The following ATP2B4 variants were observed in gnomAD, a reference collection of about 807,000 sequenced individuals.
ATP2B4 encodes ATPase plasma membrane Ca2+ transporting 4.
ATP2B4 carries 39 observed loss-of-function variants against 110.3 expected under a neutral mutation model. That is an observed-to-expected ratio of 0.35 (90% CI 0.27 to 0.46). The LOEUF is 0.46. Among genes scored for constraint, ATP2B4 ranks in the 20% least tolerant of loss-of-function variants. ATP2B4 has a pLI of 1.00. For synonymous variants in ATP2B4, 538 were observed against 571.7 expected (o/e 0.94, Z 0.84); for missense variants, 1,135 against 1,530.9 (o/e 0.74, Z 4.32).
At chr1:203,634,661 CTTTG>C (rs1035378240) in intron 1 of ATP2B4, among the ~76,000 whole-genome samples, 17 of 152,126 alleles carry the variant, frequency 1.1e-4, no homozygotes, top group Admixed American at 2.6e-4. Context: ...AAATGCATCT[CTTTG>C]TTTGTTTGTT....
chr1:203,642,985 G>A (rs570002344), intron 1 of ATP2B4, among the ~76,000 whole-genome samples: 49 of 152,188 alleles, frequency 3.2e-4, no homozygotes, highest in African/African-American at 1.2e-3. Flanking sequence ...ATGGAGCCTG[G>A]CACCAGCCTG....
intron 20 of ATP2B4, among the ~76,000 whole-genome samples, chr1:203,731,870 A>AAG (rs1666728826): frequency 7.0e-6 from 1 of 142,886 alleles, no homozygotes; most frequent in Admixed American, 7.1e-5. Flanking sequence ...AAAAAAAAAA[A>AAG]GGAAGGAGGG....
chr1:203,683,015 A>AGG lies in ATP2B4; in HGVS notation c.-191_-190insGG. On this transcript the variant is annotated 5_prime_UTR_variant, in exon 2 of 21. Coordinates refer to ENST00000357681, the MANE Select transcript of ATP2B4 (RefSeq NM_001684.5). ...CCTCTCGCTGCCAGACTTCATACGG[A>AGG]AGAAAGGATCTAGACTTCGGACGGC... The AGG allele has an allele frequency of 1.8e-6, 1 of 548,714 alleles. No individual in the cohort carries two copies. The allele number at this position is 548,714 out of a possible 1,614,324, so 34.0% of individuals were successfully genotyped here. A position where few individuals can be genotyped will look rare whatever the true frequency, so the allele number is the denominator to read the frequency against.
At chr1:203,701,012 G>GTGCTGGTAGCCCCAAATGCC in intron 6 of ATP2B4, 89 bp downstream of exon 6, 3 of 1,461,860 alleles carry the variant, frequency 2.1e-6, no homozygotes, top group Admixed American at 2.4e-5. Flanking sequence ...AGAAAGCATG[G>GTGCTGGTAGCCCCAAATGCC]TTGGAAGAAT....
In ATP2B4 at chr1:203,703,822, G is replaced by A. The variant is rs1291564704; in HGVS notation, c.1099+9G>A. 2.5e-6 allele frequency: 4 copies of A among 1,612,614 alleles called. No individual in the cohort carries two copies. The highest frequency in any genetic ancestry group is 3.4e-6 in the Non-Finnish European group (4 of 1,179,066). On this transcript the variant is annotated intron_variant, in intron 8 of 20. Coordinates refer to ENST00000357681, the MANE Select transcript of ATP2B4 (RefSeq NM_001684.5). ...TCAGATTGGGAAAGCCGGTGAGTAG[G>A]GTAGAGCCTCGTTGTGGTTTATCAA... is the stretch of plus-strand genomic sequence containing the variant.
At chr1:203,652,292 C>T (rs1264473804) in intron 1 of ATP2B4, among the ~76,000 whole-genome samples, 5 of 151,822 alleles carry the variant, frequency 3.3e-5, no homozygotes, top group East Asian at 2.0e-4. Context: ...TTCAGGCACG[C>T]GCCTCCATGC....
intron 12 of ATP2B4, 78 bp downstream of exon 12, chr1:203,711,186 TAACC>T: frequency 5.1e-6 from 7 of 1,364,782 alleles, no homozygotes; most frequent in Non-Finnish European, 7.3e-6. Context: ...CCCAGGCAGG[TAACC>T]TAACTGCCTC....
chr1:203,692,204 G>A (rs776398165), intron 2 of ATP2B4, among the ~76,000 whole-genome samples: 1 of 151,560 alleles, frequency 6.6e-6, no homozygotes, highest in Non-Finnish European at 1.5e-5. Flanking sequence ...TTGAGACAGG[G>A]TCTTGCTCTG....
rs940034577 is a variant in ATP2B4 at position 203,721,654 on chromosome 1, CTTTTTTTTTT to C, written c.2812+254_2812+263del. ...GGGAGGCTTTATTATTTCTTTCTTT[CTTTTTTTTTT>C]TTTTTTTTTCTTTTTGGAGACAGAG... On this transcript the variant is annotated intron_variant, in intron 17 of 20. Transcript: ENST00000357681. Among the ~76,000 whole-genome samples the C allele has an allele frequency of 2.9e-3, 334 of 116,632 alleles. 4 individuals are homozygous for C. Among genetic ancestry groups the C allele is most frequent in the African/African-American group, 0.011 (324 of 29,232 alleles). 76.5% of individuals were successfully genotyped at this position (116,632 alleles called of 152,430 possible).
At chr1:203,676,094 C>A (rs1558028468) in intron 1 of ATP2B4, among the ~76,000 whole-genome samples, 3 of 152,196 alleles carry the variant, frequency 2.0e-5, no homozygotes, top group Admixed American at 2.0e-4. Context: ...TGTGCCCGCC[C>A]TCACCTGGCT....
chr1:203,640,957 C>G (rs1663608441), intron 1 of ATP2B4, among the ~76,000 whole-genome samples: 1 of 152,200 alleles, frequency 6.6e-6, no homozygotes, highest in African/African-American at 2.4e-5. Flanking sequence ...CAACCACCTT[C>G]TGAGACAGGT....
rs555457398 is a variant in ATP2B4 at position 203,648,091 on chromosome 1, C to A, written c.-465+20872C>A. 2.0e-5 allele frequency among the ~76,000 whole-genome samples: 3 copies of A among 152,190 alleles called. 1 individual carries two copies. The South Asian group carries it at 6.2e-4, about 32-fold the overall frequency. Reference sequence around the variant, plus strand: ...AGATGTGGAACACCCTAAATAAAGCCCCCTGTAAATCTGTGAGTGAGATTA... The same window carrying A: ...AGATGTGGAACACCCTAAATAAAGCACCCTGTAAATCTGTGAGTGAGATTA... On this transcript the variant is annotated intron_variant, in intron 1 of 20. Transcript: ENST00000357681.
chr1:203,639,728 G>A (rs115779840), intron 1 of ATP2B4, among the ~76,000 whole-genome samples: 2,294 of 152,298 alleles, frequency 0.015, 17 homozygotes, highest in Non-Finnish European at 0.023. Context: ...TTATTCAGCC[G>A]CTCGGTTGGC....
chr1:203,738,918 T>C (rs1409943184), intron 20 of ATP2B4, among the ~76,000 whole-genome samples: 2 of 152,158 alleles, frequency 1.3e-5, no homozygotes, highest in Non-Finnish European at 2.9e-5. Flanking sequence ...AAGGGCAAAT[T>C]ATTATTAGAG....
Position 203,699,506 on chromosome 1 carries a change from A to G in ATP2B4, c.438A>G (p.Gln146=). 1.2e-6 allele frequency: 2 copies of G among 1,614,236 alleles called. No individual in the cohort carries two copies. Among genetic ancestry groups the G allele is most frequent in the Non-Finnish European group, 1.7e-6 (2 of 1,180,036 alleles). Residue 146 remains glutamine (Q), a synonymous_variant, in exon 4 of 21, where the codon CAA becomes CAG. Coordinates refer to ENST00000357681, the MANE Select transcript of ATP2B4 (RefSeq NM_001684.5). ...ATTPEDENEA[Q]AGWIEGAAIL... ...CCCCAGAAGATGAAAATGAGGCACA[A>G]GCTGGCTGGATTGAGGGGGCAGCCA...
At position 203,720,542 on chromosome 1, in the gene ATP2B4, AC is replaced by A; in HGVS notation, c.2407-5del. 6.3e-7 allele frequency: 1 copy of A among 1,595,010 alleles called. No homozygotes were observed. The highest frequency in any genetic ancestry group is 8.5e-7 in the Non-Finnish European group (1 of 1,169,954). ...CCCTCACTGTTTTCCCTCCCATCTTACCTCAGGGCATCGCAGGCACAGATGT... is the reference window on the plus strand; with the variant it reads ...CCCTCACTGTTTTCCCTCCCATCTTACTCAGGGCATCGCAGGCACAGATGT... On this transcript the variant is annotated splice_region_variant and splice_polypyrimidine_tract_variant and intron_variant, in intron 15 of 20. Transcript: ENST00000357681.
At position 203,670,160 on chromosome 1, in the gene ATP2B4, G is replaced by A. The variant is rs2102343361; in HGVS notation, c.-464-12582G>A. Among the ~76,000 whole-genome samples, 3 of 139,532 alleles carry A rather than the reference G, an allele frequency of 2.2e-5. No homozygotes were observed. In the Admixed American group the frequency reaches 2.3e-4, roughly 11 times the overall value. 91.5% of individuals were successfully genotyped at this position (139,532 alleles called of 152,430 possible). On this transcript the variant is annotated intron_variant, in intron 1 of 20. Transcript: ENST00000357681. The stretch of plus-strand genomic sequence containing the variant: ...TTCCCAAGTAATGGCCACTCGGCTT[G>A]AGTTCATACTCTTTTTTATTTTATC...
chr1:203,695,833 C>T (rs1379909481), intron 2 of ATP2B4, among the ~76,000 whole-genome samples: 2 of 152,136 alleles, frequency 1.3e-5, no homozygotes, highest in East Asian at 3.9e-4. Context: ...AATAATGCTC[C>T]CTTGGGTACC....
intron 1 of ATP2B4, among the ~76,000 whole-genome samples, chr1:203,681,379 G>C (rs546872086): frequency 6.6e-6 from 1 of 152,306 alleles, no homozygotes; most frequent in South Asian, 2.1e-4. Flanking sequence ...TGGTTCTTGT[G>C]CTTCTTTGTT....
Sources: gnomAD v4.1 joint callset for allele counts (sites outside exome capture counted in the v4.1 genomes callset) on GRCh38, gnomAD v4.1.1 for gene constraint, MANE v1.5 for transcripts, NCBI Gene and HGNC (gene_info 2026-07-23, HGNC 2026-07-21) for gene names.